The following AFG2B variants were observed in gnomAD, a reference collection of about 807,000 sequenced individuals.
The protein encoded by AFG2B is ATPase family gene 2 protein homolog B.
the AFG2B span, chr15:45,420,929 T>G: frequency 1.0e-6 from 1 of 989,080 alleles, no homozygotes; most frequent in Non-Finnish European, 1.4e-6. Context: ...AAGACGGAGG[T>G]TGCAGTGAGT....
the AFG2B span, chr15:45,402,739 TG>T: frequency 6.4e-7 from 1 of 1,567,046 alleles, no homozygotes; most frequent in South Asian, 1.2e-5. Context: ...CCTAGTGCCC[TG>T]TCCGCCCCTG....
chr15:45,419,856 A>C, the AFG2B span, among the ~76,000 whole-genome samples: 1 of 151,810 alleles, frequency 6.6e-6, no homozygotes, highest in African/African-American at 2.4e-5. Flanking sequence ...TCTCTACAAA[A>C]ACTTTTAAAA....
the AFG2B span, among the ~76,000 whole-genome samples, chr15:45,420,478 A>G: frequency 1.9e-3 from 291 of 152,346 alleles, 5 homozygotes; most frequent in Admixed American, 0.019. Context: ...ATATGGGTTC[A>G]TAAAATACAT....
At chr15:45,402,751 C>A in the AFG2B span, 1 of 1,572,756 alleles carries the variant, frequency 6.4e-7, no homozygotes, top group Non-Finnish European at 8.6e-7. Flanking sequence ...TCCGCCCCTG[C>A]GGCGCGTCGC....
At chr15:45,412,342 A>G in the AFG2B span, among the ~76,000 whole-genome samples, 1 of 152,124 alleles carries the variant, frequency 6.6e-6, no homozygotes, top group South Asian at 2.1e-4. Context: ...CTGAGGTTGC[A>G]GTGAGCTGAG....
chr15:45,417,335 A>C, the AFG2B span: 42 of 1,614,018 alleles, frequency 2.6e-5, no homozygotes, highest in Admixed American at 1.2e-4. Flanking sequence ...GATGTGTTAG[A>C]TACTGCTTTG....
the AFG2B span, chr15:45,415,746 A>G: frequency 5.6e-6 from 9 of 1,613,920 alleles, no homozygotes; most frequent in South Asian, 1.1e-5. Flanking sequence ...ACTTAAGACA[A>G]TAGAGAGAAG....
the AFG2B span, among the ~76,000 whole-genome samples, chr15:45,410,028 G>C: frequency 6.6e-6 from 1 of 152,228 alleles, no homozygotes; most frequent in Admixed American, 6.5e-5. Flanking sequence ...ACGTAGAACT[G>C]TGTTAGTTGA....
the AFG2B span, chr15:45,416,829 T>C: frequency 6.5e-6 from 1 of 153,010 alleles, no homozygotes; most frequent in Non-Finnish European, 1.5e-5. Flanking sequence ...CAAAGAAAAA[T>C]AAAAGGTCGA....
chr15:45,415,755 A>G, the AFG2B span: 904 of 1,613,938 alleles, frequency 5.6e-4, 10 homozygotes, highest in East Asian at 0.013. Context: ...AATAGAGAGA[A>G]GAGGAAGTAA....
At chr15:45,415,495 CAAAAA>C in the AFG2B span, 14 of 836,162 alleles carry the variant, frequency 1.7e-5, no homozygotes, top group Admixed American at 3.8e-5. Flanking sequence ...AAGACTGTCT[CAAAAA>C]AAAAAAAAAA....
the AFG2B span, chr15:45,410,494 T>G: frequency 7.1e-5 from 114 of 1,611,914 alleles, no homozygotes; most frequent in Admixed American, 1.7e-5. Flanking sequence ...GGGAGGAGAT[T>G]GGTGGCCTTG....
chr15:45,413,636 G>A, the AFG2B span, among the ~76,000 whole-genome samples: 1 of 152,130 alleles, frequency 6.6e-6, no homozygotes, highest in Non-Finnish European at 1.5e-5. Flanking sequence ...CAAGAAACTT[G>A]TAGCTGGTCT....
chr15:45,417,463 T>C, the AFG2B span: 8 of 1,567,530 alleles, frequency 5.1e-6, no homozygotes, highest in African/African-American at 1.4e-5. Flanking sequence ...TGGATATAGG[T>C]GTCCATGGTG....
the AFG2B span, chr15:45,418,538 G>A: frequency 6.4e-7 from 1 of 1,572,258 alleles, no homozygotes; most frequent in South Asian, 1.2e-5. Context: ...TTAAAATACT[G>A]TTTTTTATTT....
the AFG2B span, among the ~76,000 whole-genome samples, chr15:45,406,026 C>T: frequency 0.064 from 9,683 of 152,044 alleles, 423 homozygotes; most frequent in Middle Eastern, 0.18. Flanking sequence ...CCCGCGAAAA[C>T]GTAAGTGTAT....
the AFG2B span, among the ~76,000 whole-genome samples, chr15:45,418,350 A>AAC: frequency 6.6e-6 from 1 of 151,864 alleles, no homozygotes; most frequent in East Asian, 1.9e-4. Flanking sequence ...TCTCAAAAAA[A>AAC]AAAAAAAAAA....
chr15:45,414,382 A>G, the AFG2B span, among the ~76,000 whole-genome samples: 1 of 152,234 alleles, frequency 6.6e-6, no homozygotes, highest in African/African-American at 2.4e-5. Context: ...ATAGTAAATC[A>G]TTGAAGGATT....
chr15:45,406,122 A>G, the AFG2B span, among the ~76,000 whole-genome samples: 1 of 152,340 alleles, frequency 6.6e-6, no homozygotes, highest in African/African-American at 2.4e-5. Context: ...CTTAACCTAA[A>G]TAGGCCTTAA....
Sources: gnomAD v4.1 joint callset for allele counts (sites outside exome capture counted in the v4.1 genomes callset) on GRCh38, gnomAD v4.1.1 for gene constraint, MANE v1.5 for transcripts, NCBI Gene and HGNC (gene_info 2026-07-23, HGNC 2026-07-21) for gene names.